Variants in XKR4 observed in about 807,000 individuals in gnomAD.
XKR4 encodes XK related 4.
XKR4 carries 12 observed loss-of-function variants against 53.9 expected under a neutral mutation model. The observed-to-expected ratio is 0.22, with a 90% CI of 0.14 to 0.36. XKR4 has a LOEUF of 0.36. Among genes scored for constraint, XKR4 ranks in the 10% least tolerant of loss-of-function variants. The pLI, the probability that XKR4 is intolerant of heterozygous loss-of-function variation, is 1.00. For synonymous variants in XKR4, 354 were observed against 362.4 expected (o/e 0.98, Z 0.26); for missense variants, 799 against 859.5 (o/e 0.93, Z 0.88).
intron 1 of XKR4, among the ~76,000 whole-genome samples, chr8:55,238,000 AAAG>A (rs2129367838): frequency 6.6e-6 from 1 of 152,318 alleles, no homozygotes; most frequent in Non-Finnish European, 1.5e-5. Flanking sequence ...GAAAAAAAGA[AAAG>A]AAACAAACAG....
chr8:55,137,061 A>G (rs1703402956), intron 1 of XKR4, among the ~76,000 whole-genome samples: 1 of 152,200 alleles, frequency 6.6e-6, no homozygotes, highest in Admixed American at 6.5e-5. Context: ...ATTTCTGAAA[A>G]CAATAGTTTT....
intron 1 of XKR4, among the ~76,000 whole-genome samples, chr8:55,338,122 C>T (rs185835961): frequency 7.9e-4 from 120 of 152,306 alleles, no homozygotes; most frequent in Non-Finnish European, 9.1e-4. Flanking sequence ...GGGAAGGTCA[C>T]ATGGATATTA....
At chr8:55,455,208 G>C in intron 2 of XKR4, 1 of 412,086 alleles carries the variant, frequency 2.4e-6, no homozygotes, top group Admixed American at 3.5e-5. Flanking sequence ...CCCGGGCCTG[G>C]CCCTGGACCG....
chr8:55,224,467 A>G (rs1315766826), intron 1 of XKR4, among the ~76,000 whole-genome samples: 1 of 152,194 alleles, frequency 6.6e-6, no homozygotes, highest in East Asian at 1.9e-4. Flanking sequence ...ATTTTGTCAT[A>G]AGACTTAGTT....
At chr8:55,456,219 G>A (rs1563355648) in intron 2 of XKR4, among the ~76,000 whole-genome samples, 1 of 152,156 alleles carries the variant, frequency 6.6e-6, no homozygotes, top group Non-Finnish European at 1.5e-5. Flanking sequence ...ATCACCTGAG[G>A]TAGGGATTTC....
chr8:55,187,675 T>C lies in XKR4; in HGVS notation c.806+84381T>C, dbSNP rs546220003. Reference sequence around the variant, plus strand: ...ATTGTTATTGTTTTCTATTTGTCTCTGTTTGGGGATGTTTTATGTTTTCTT... The same window carrying C: ...ATTGTTATTGTTTTCTATTTGTCTCCGTTTGGGGATGTTTTATGTTTTCTT... On this transcript the variant is annotated intron_variant, in intron 1 of 2. Coordinates refer to ENST00000327381, the MANE Select transcript of XKR4 (RefSeq NM_052898.2). 2.7e-4 allele frequency among the ~76,000 whole-genome samples: 41 copies of C among 152,350 alleles called. 1 individual carries two copies. Among genetic ancestry groups the C allele is most frequent in the Non-Finnish European group, 2.4e-4 (16 of 68,030 alleles).
chr8:55,113,860 A>T (rs1357724715), intron 1 of XKR4, among the ~76,000 whole-genome samples: 1 of 152,134 alleles, frequency 6.6e-6, no homozygotes, highest in African/African-American at 2.4e-5. Context: ...TTCACTTAGG[A>T]TAATGACCTC....
At chr8:55,499,069 G>C (rs1397550250) in intron 2 of XKR4, among the ~76,000 whole-genome samples, 1 of 151,982 alleles carries the variant, frequency 6.6e-6, no homozygotes, top group African/African-American at 2.4e-5. Flanking sequence ...TTTTCATTTG[G>C]TCTTCTCCTG....
chr8:55,116,938 A>G lies in XKR4; in HGVS notation c.806+13644A>G, dbSNP rs112202690. Among the ~76,000 whole-genome samples the G allele has an allele frequency of 4.6e-5, 7 of 152,310 alleles. 1 individual carries two copies. Among genetic ancestry groups the G allele is most frequent in the African/African-American group, 1.4e-4 (6 of 41,562 alleles). On this transcript the variant is annotated intron_variant, in intron 1 of 2. Coordinates refer to ENST00000327381, the MANE Select transcript of XKR4 (RefSeq NM_052898.2). ...GAGCACTTGAAATGGGCTGGTCCCT[A>G]TTGAGATGTGTTCTAAGTGTCAAAT...
chr8:55,276,034 A>G (rs1818758633), intron 1 of XKR4, among the ~76,000 whole-genome samples: 1 of 152,208 alleles, frequency 6.6e-6, no homozygotes, highest in South Asian at 2.1e-4. Context: ...ATCTTTCTTA[A>G]CAGCGCTTCA....
intron 2 of XKR4, among the ~76,000 whole-genome samples, chr8:55,464,509 C>A (rs943403230): frequency 1.3e-5 from 2 of 152,118 alleles, no homozygotes; most frequent in African/African-American, 4.8e-5. Context: ...GACAAACCCA[C>A]AGCCAATATC....
In XKR4 at chr8:55,109,519, G is replaced by A. The variant is rs185164354; in HGVS notation, c.806+6225G>A. 9.8e-4 allele frequency among the ~76,000 whole-genome samples: 149 copies of A among 152,218 alleles called. No homozygotes were observed. In the Middle Eastern group the frequency reaches 0.01, roughly 10 times the overall value. ...TCAAGATCTCTGAGTTAGCTGACAG[G>A]TATAAATCCACACACAATCAGACAG... is the stretch of plus-strand genomic sequence containing the variant. On this transcript the variant is annotated intron_variant, in intron 1 of 2. Transcript: ENST00000327381.
At chr8:55,454,504 G>A (rs1805524268) in intron 2 of XKR4, 1 of 1,249,066 alleles carries the variant, frequency 8.0e-7, no homozygotes, top group Non-Finnish European at 1.1e-6. Flanking sequence ...ACAGTACGTT[G>A]GTGATGCCCA....
rs573050052 is a variant in XKR4 at position 55,423,266 on chromosome 8, T to C, written c.1006+65389T>C. Among the ~76,000 whole-genome samples the C allele has an allele frequency of 1.3e-4, 20 of 152,256 alleles. No individual in the cohort carries two copies. In the South Asian group the frequency reaches 1.7e-3, roughly 13 times the overall value. On this transcript the variant is annotated intron_variant, in intron 2 of 2. Coordinates refer to ENST00000327381, the MANE Select transcript of XKR4 (RefSeq NM_052898.2). ...GCCTGCCACCAAGCCCAGCTAATTT[T>C]TGTGTTTTAGTAGAGAAGGGGTTTC...
chr8:55,513,216 A>G (rs1806655000), intron 2 of XKR4, among the ~76,000 whole-genome samples: 1 of 152,174 alleles, frequency 6.6e-6, no homozygotes, highest in African/African-American at 2.4e-5. Context: ...GACCCCAGGG[A>G]TGCAGACTCA....
chr8:55,296,595 TC>T (rs1330772722), intron 1 of XKR4, among the ~76,000 whole-genome samples: 1 of 152,096 alleles, frequency 6.6e-6, no homozygotes, highest in Non-Finnish European at 1.5e-5. Flanking sequence ...GCAATCCAAT[TC>T]CAGTGCAAAT....
At chr8:55,363,654 G>T (rs1803933619) in intron 2 of XKR4, among the ~76,000 whole-genome samples, 1 of 152,086 alleles carries the variant, frequency 6.6e-6, no homozygotes, top group African/African-American at 2.4e-5. Context: ...AAATGACCTG[G>T]GTTAGAGAAA....
chr8:55,291,572 A>G (rs1336148244), intron 1 of XKR4, among the ~76,000 whole-genome samples: 2 of 152,198 alleles, frequency 1.3e-5, no homozygotes, highest in Non-Finnish European at 1.5e-5. Flanking sequence ...ATAGTTTTGT[A>G]CATTGTATTA....
intron 1 of XKR4, among the ~76,000 whole-genome samples, chr8:55,336,795 A>G (rs947190292): frequency 1.3e-5 from 2 of 152,172 alleles, no homozygotes; most frequent in Non-Finnish European, 2.9e-5. Context: ...GGGGTACACT[A>G]CAATTCTCTA....
Sources: allele counts gnomAD v4.1 joint callset (sites outside exome capture counted in the v4.1 genomes callset), GRCh38; gene constraint gnomAD v4.1.1; transcripts MANE v1.5; gene names NCBI Gene and HGNC (gene_info 2026-07-23, HGNC 2026-07-21).